Variants in MARCHF1 observed in about 807,000 individuals in gnomAD.
MARCHF1 encodes the protein membrane associated ring-CH-type finger 1.
MARCHF1 carries 40 observed loss-of-function variants against 54.2 expected under a neutral mutation model. The ratio of observed to expected loss-of-function variants is 0.74; its 90% CI spans 0.57 to 0.96. The LOEUF (loss-of-function observed/expected upper bound fraction) is 0.96. Among genes scored for constraint, MARCHF1 ranks in the 40% least tolerant of loss-of-function variants. The pLI is 0.00. For synonymous variants in MARCHF1, 236 were observed against 236.3 expected, an observed-to-expected ratio of 1.00 and a Z score of 0.01; for missense variants, 586 against 656.5, an observed-to-expected ratio of 0.89 and a Z score of 1.17.
At chr4:163,564,051 G>A (rs763342619) in intron 8 of MARCHF1, among the ~76,000 whole-genome samples, 13 of 152,084 alleles carry the variant, frequency 8.5e-5, no homozygotes, top group Non-Finnish European at 1.9e-4. Context: ...AACTACATAC[G>A]GGACCTGGAG....
At chr4:164,201,696 C>T (rs184370046) in intron 1 of MARCHF1, among the ~76,000 whole-genome samples, 245 of 152,174 alleles carry the variant, frequency 1.6e-3, no homozygotes, top group Non-Finnish European at 2.7e-3. Context: ...GAATAACATA[C>T]GGGTACTTGG....
At chr4:164,099,010 T>C (rs937321969) in intron 2 of MARCHF1, among the ~76,000 whole-genome samples, 8 of 152,242 alleles carry the variant, frequency 5.3e-5, no homozygotes, top group African/African-American at 1.9e-4. Context: ...TCACATATAG[T>C]TAATGTTGAA....
At chr4:163,845,913 C>T (rs1749472253) in intron 4 of MARCHF1, among the ~76,000 whole-genome samples, 1 of 152,156 alleles carries the variant, frequency 6.6e-6, no homozygotes, top group African/African-American at 2.4e-5. Flanking sequence ...TCAGTCTCCC[C>T]TTCGCATTCT....
At chr4:163,593,218 C>T (rs1010999857) in intron 7 of MARCHF1, among the ~76,000 whole-genome samples, 2 of 152,092 alleles carry the variant, frequency 1.3e-5, no homozygotes, top group Non-Finnish European at 2.9e-5. Context: ...TCTACATTTG[C>T]ATATGTCATA....
intron 4 of MARCHF1, among the ~76,000 whole-genome samples, chr4:163,738,120 C>T (rs186254156): frequency 1.9e-4 from 29 of 152,266 alleles, no homozygotes; most frequent in African/African-American, 6.5e-4. Flanking sequence ...TCCTAACAAA[C>T]ATATTTCAGT....
chr4:164,375,044 T>G (rs1173894871), intron 1 of MARCHF1, among the ~76,000 whole-genome samples: 2 of 152,142 alleles, frequency 1.3e-5, no homozygotes, highest in African/African-American at 4.8e-5. Flanking sequence ...GAAAATAATT[T>G]GTCTCTAATT....
chr4:164,284,460 A>C (rs1734099056), intron 1 of MARCHF1, among the ~76,000 whole-genome samples: 1 of 151,056 alleles, frequency 6.6e-6, no homozygotes, highest in East Asian at 2.0e-4. Flanking sequence ...CCTTTATAAC[A>C]TATTATGGCA....
chr4:163,612,134 C>T, intron 7 of MARCHF1, 137 bp downstream of exon 7: 1 of 767,732 alleles, frequency 1.3e-6, no homozygotes, highest in Non-Finnish European at 1.9e-6. Flanking sequence ...CCCACCTTTT[C>T]TCCTTTTATA....
chr4:163,885,842 CAGG>C (rs1185688092), intron 3 of MARCHF1, among the ~76,000 whole-genome samples: 1 of 151,122 alleles, frequency 6.6e-6, no homozygotes, highest in African/African-American at 2.4e-5. Context: ...GAGGCCAAGG[CAGG>C]AGTATTACTG....
At chr4:163,567,678 CTTT>C (rs1739691762) in intron 8 of MARCHF1, among the ~76,000 whole-genome samples, 1 of 152,152 alleles carries the variant, frequency 6.6e-6, no homozygotes, top group African/African-American at 2.4e-5. Flanking sequence ...GTGAGATGTG[CTTT>C]TCACCTTACA....
Position 163,612,672 on chromosome 4 carries a change from A to G in MARCHF1, c.609T>C (p.Thr203=). The change falls in exon 7 of 10, where the codon ACT becomes ACC. Residue 203 remains threonine, a synonymous_variant. Coordinates refer to ENST00000514618, the MANE Select transcript of MARCHF1 (RefSeq NM_001394959.1). The stretch of plus-strand genomic sequence containing the variant: ...GATCAACGAGCTCAATTCCGTTAGG[A>G]GTGGAAGACCCAGCTAAGTTTTCAC... ...KPCENLAGSS[T]PNGIELVDLG... The G allele has an allele frequency of 2.0e-6, 3 of 1,535,530 alleles. No individual in the cohort carries two copies. The highest frequency in any genetic ancestry group is 2.6e-6 in the Non-Finnish European group (3 of 1,146,558).
chr4:164,300,601 G>A (rs1228931438), intron 1 of MARCHF1, among the ~76,000 whole-genome samples: 1 of 152,088 alleles, frequency 6.6e-6, no homozygotes, highest in Non-Finnish European at 1.5e-5. Context: ...AGCTATAGGG[G>A]AGTGATCTCA....
chr4:163,688,803 GGA>G (rs1744352370), intron 5 of MARCHF1, among the ~76,000 whole-genome samples: 1 of 152,066 alleles, frequency 6.6e-6, no homozygotes, highest in African/African-American at 2.4e-5. Context: ...CTATAATGAT[GGA>G]CGGATAGACT....
chr4:163,561,421 T>C (rs1326705211), intron 8 of MARCHF1, among the ~76,000 whole-genome samples: 2 of 152,212 alleles, frequency 1.3e-5, no homozygotes, highest in Non-Finnish European at 2.9e-5. Flanking sequence ...TTCATTAAGA[T>C]AAATTCTTAG....
intron 1 of MARCHF1, among the ~76,000 whole-genome samples, chr4:164,381,755 A>G (rs540816048): frequency 6.6e-6 from 1 of 152,330 alleles, no homozygotes; most frequent in Non-Finnish European, 1.5e-5. Flanking sequence ...TTTTGCTATT[A>G]CAATACTTGA....
intron 3 of MARCHF1, among the ~76,000 whole-genome samples, chr4:163,930,822 G>T (rs1256387634): frequency 6.6e-6 from 1 of 152,112 alleles, no homozygotes; most frequent in Non-Finnish European, 1.5e-5. Flanking sequence ...TGCTGAATAA[G>T]TTAAGACTTT....
In MARCHF1 at chr4:163,643,835, A is replaced by G. The variant is rs1007480725; in HGVS notation, c.163-30442T>C. Among the ~76,000 whole-genome samples, 4 of 152,248 alleles carry G rather than the reference A, an allele frequency of 2.6e-5. No individual in the cohort carries two copies. The South Asian group carries it at 8.3e-4, about 32-fold the overall frequency. On this transcript the variant is annotated intron_variant, in intron 5 of 9. Coordinates refer to ENST00000514618, the MANE Select transcript of MARCHF1 (RefSeq NM_001394959.1). ...GCAAGCTTTTAGGTTTTTTTGTTAC[A>G]ACAAAAAGAAAATCACCAAAGAAAA...
Position 163,585,847 on chromosome 4 carries a change from A to G in MARCHF1, c.1093T>C (p.Ser365Pro), listed in dbSNP as rs1740392557. 1 of 1,613,926 alleles carries G rather than the reference A, an allele frequency of 6.2e-7. No homozygotes were observed. Among genetic ancestry groups the G allele is most frequent in the African/African-American group, 1.3e-5 (1 of 74,916 alleles). Residue 365 changes from serine (S) to proline (P), a missense_variant, in exon 8 of 10, where the codon TCC becomes CCC. By Grantham distance (74) the Ser-to-Pro change is moderately conservative. Around this residue, in one of 3 missense-constraint regions of MARCHF1, gnomAD observed 93 missense variants for 168.2 expected, o/e 0.55. Transcript: ENST00000514618. ...CTGTLRFVHQ[S>P]CLHQWIKSSD... ...CTCTTTATCCACTGGTGGAGGCAGG[A>G]CTGGTGGACAAAGCGCAGTGTCCCA...
chr4:164,204,443 G>T (rs1731550394), intron 1 of MARCHF1, among the ~76,000 whole-genome samples: 4 of 152,154 alleles, frequency 2.6e-5, no homozygotes, highest in Admixed American at 2.6e-4. Flanking sequence ...TGCTCTTTGA[G>T]ACAGCCAGGC....
Sources: gnomAD v4.1 joint callset for allele counts (sites outside exome capture counted in the v4.1 genomes callset) on GRCh38, gnomAD v4.1.1 for gene constraint, gnomAD v4.1.1 regional missense constraint, MANE v1.5 for transcripts, NCBI Gene and HGNC (gene_info 2026-07-23, HGNC 2026-07-21) for gene names.